TIGD5: variants seen among roughly 807,000 people sequenced by gnomAD.
The protein encoded by TIGD5 is tigger transposable element-derived protein 5.
TIGD5 carries 24 observed loss-of-function variants against 28.8 expected under a neutral mutation model. That is an observed-to-expected ratio of 0.83 (90% CI 0.60 to 1.17). TIGD5 has a LOEUF of 1.17. Among genes scored for constraint, TIGD5 ranks in the 50% most tolerant of loss-of-function variants. TIGD5 has a pLI of 0.00. For missense variants in TIGD5, 922 were observed against 911.4 expected (o/e 1.01, Z -0.15); for synonymous variants, 538 against 430.5 (o/e 1.25, Z -3.09).
Position 143,599,736 on chromosome 8 carries a change from G to A in TIGD5, c.1833G>A (p.Gly611=), listed in dbSNP as rs1280516777. 4 of 1,502,768 alleles carry A rather than the reference G, an allele frequency of 2.7e-6. No homozygotes were observed. Among genetic ancestry groups the A allele is most frequent in the African/African-American group, 1.4e-5 (1 of 71,450 alleles). 93.1% of individuals were successfully genotyped at this position (1,502,768 alleles called of 1,614,324 possible). A position where few individuals can be genotyped will look rare whatever the true frequency, so the allele number is the denominator to read the frequency against. ...WLENQDPREV[G]PLRLVQLRSL... The stretch of plus-strand genomic sequence containing the variant: ...AGAACCAGGACCCCAGAGAGGTGGG[G>A]CCACTGAGGCTGGTGCAGTTGCGCT... Residue 611 remains glycine (G), a synonymous_variant, in exon 1 of 1, where the codon GGG becomes GGA. Transcript: ENST00000504548.
Position 143,597,973 on chromosome 8 carries a change from GC to G in TIGD5, c.71del (p.Ala24GlyfsTer25). On this transcript the variant is annotated frameshift_variant, in exon 1 of 1. Transcript: ENST00000504548. LOFTEE classifies it high-confidence loss of function. ...CCGCCGTCCCCTGCCCGGGCCCCCC[GC>G]GCCCGCCCCAGCCCCCGTCCCCGCT... is the stretch of plus-strand genomic sequence containing the variant. ...RGRRPLPGPP[A>X]PAPAPVPAAR... 2.6e-6 allele frequency: 2 copies of G among 774,062 alleles called. No homozygotes were observed. The highest frequency in any genetic ancestry group is 3.2e-6 in the Non-Finnish European group (2 of 634,896). 47.9% of individuals were successfully genotyped at this position (774,062 alleles called of 1,614,324 possible).
In TIGD5 at chr8:143,603,155, T is replaced by G. The variant is rs1829296825; in HGVS notation, c.*3323T>G. 6.6e-6 allele frequency: 1 copy of G among 152,238 alleles called. No homozygotes were observed. The highest frequency in any genetic ancestry group is 1.5e-5 in the Non-Finnish European group (1 of 68,048). 9.4% of individuals were successfully genotyped at this position (152,238 alleles called of 1,614,324 possible). ...TCTAACTGGCGAGCTTGTTTACAGC[T>G]GAGCTCGCCTGGTCAGATGGGCCCA... On this transcript the variant is annotated 3_prime_UTR_variant, in exon 1 of 1. Transcript: ENST00000504548.
rs566014136 is a variant in TIGD5 at position 143,600,078 on chromosome 8, C to T, written c.*246C>T. On this transcript the variant is annotated 3_prime_UTR_variant, in exon 1 of 1. Coordinates refer to ENST00000504548, the MANE Select transcript of TIGD5 (RefSeq NM_032862.5). ...GCTCCTCTCAGGGCAGGCACATGTA[C>T]GGGGCATACAAGGCACAGCGCCTGT... is the stretch of plus-strand genomic sequence containing the variant. 2.7e-5 allele frequency: 11 copies of T among 414,862 alleles called. No homozygotes were observed. The South Asian group carries it at 8.1e-4, about 31-fold the overall frequency. 25.7% of individuals were successfully genotyped at this position (414,862 alleles called of 1,614,324 possible).
rs1829273851 is a variant in TIGD5 at position 143,602,071 on chromosome 8, G to A, written c.*2239G>A. 1 of 146,792 alleles carries A rather than the reference G, an allele frequency of 6.8e-6. No individual in the cohort carries two copies. Among genetic ancestry groups the A allele is most frequent in the African/African-American group, 2.5e-5 (1 of 39,682 alleles). 9.1% of individuals were successfully genotyped at this position (146,792 alleles called of 1,614,324 possible). The stretch of plus-strand genomic sequence containing the variant: ...AGATCACAACACCGCGCTCCAGTCT[G>A]CGCGACAGAGCGAGACTCTGTCTCA... On this transcript the variant is annotated 3_prime_UTR_variant, in exon 1 of 1. Coordinates refer to ENST00000504548, the MANE Select transcript of TIGD5 (RefSeq NM_032862.5).
In TIGD5 at chr8:143,598,130, G is replaced by A. The variant is rs751788115; in HGVS notation, c.227G>A (p.Ser76Asn). 1.9e-6 allele frequency: 3 copies of A among 1,588,286 alleles called. No homozygotes were observed. Among genetic ancestry groups the A allele is most frequent in the South Asian group, 2.3e-5 (2 of 88,026 alleles). ...GTCAAGGGCGGCGAGCGGCAGGCCA[G>A]TGTGTGCCGCGACTTCGGCGTGCCG... is the stretch of plus-strand genomic sequence containing the variant. ...ERVKGGERQA[S>N]VCRDFGVPGG... The change falls in exon 1 of 1, where the codon AGT becomes AAT. Residue 76 changes from serine to asparagine, a missense_variant. Physicochemically the swap from Ser to Asn is conservative, Grantham distance 46. Around this residue, in one of 3 missense-constraint regions of TIGD5, gnomAD observed 821 missense variants for 815.2 expected, o/e 1.01. Transcript: ENST00000504548. This position sits in a 1 kb window ranked among gnomAD's most constrained non-coding sequence, Gnocchi z 6.6.
In TIGD5 at chr8:143,599,919, G is replaced by C; in HGVS notation, c.*87G>C. 1 of 1,377,520 alleles carries C rather than the reference G, an allele frequency of 7.3e-7. No homozygotes were observed. The highest frequency in any genetic ancestry group is 9.4e-7 in the Non-Finnish European group (1 of 1,062,822). 85.3% of individuals were successfully genotyped at this position (1,377,520 alleles called of 1,614,324 possible). ...TCCCATCTCTCCTCCCCTCCCCCTG[G>C]GGTGGCCCACCGCATGGGTACAGGG... is the stretch of plus-strand genomic sequence containing the variant. On this transcript the variant is annotated 3_prime_UTR_variant, in exon 1 of 1. Coordinates refer to ENST00000504548, the MANE Select transcript of TIGD5 (RefSeq NM_032862.5).
chr8:143,600,273 G>C lies in TIGD5; in HGVS notation c.*441G>C, dbSNP rs1718642058. ...ATCTCAGTGGCGAAGCACACCACTT[G>C]ATTCTATTTTTTTTTAACACATTAA... On this transcript the variant is annotated 3_prime_UTR_variant, in exon 1 of 1. Transcript: ENST00000504548. The C allele has an allele frequency of 5.5e-6, 1 of 180,464 alleles. No individual in the cohort carries two copies. Among genetic ancestry groups the C allele is most frequent in the Non-Finnish European group, 1.1e-5 (1 of 87,376 alleles). 11.2% of individuals were successfully genotyped at this position (180,464 alleles called of 1,614,324 possible).
Position 143,597,888 on chromosome 8 carries a change from CCCCCCCGCCGCAGCCATGTACCCCGCGGG to C in TIGD5, c.-8_21del. The C allele has an allele frequency of 1.2e-6, 1 of 804,836 alleles. No homozygotes were observed. Among genetic ancestry groups the C allele is most frequent in the Non-Finnish European group, 1.5e-6 (1 of 668,036 alleles). The allele number at this position is 804,836 out of a possible 1,614,324, so 49.9% of individuals were successfully genotyped here. A position where few individuals can be genotyped will look rare whatever the true frequency, so the allele number is the denominator to read the frequency against. On this transcript the variant is annotated start_lost and 5_prime_UTR_variant, in exon 1 of 1. Transcript: ENST00000504548. ...CTCCCGCGACCCGCGCGGCCCGGGTCCCCCCCGCCGCAGCCATGTACCCCGCGGGCCCCCCGGCCGGCCCGGTACCGCGC... is the reference window on the plus strand; with the variant it reads ...CTCCCGCGACCCGCGCGGCCCGGGTCCCCCCCGGCCGGCCCGGTACCGCGC...
chr8:143,598,080 G>A lies in TIGD5; in HGVS notation c.177G>A (p.Lys59=). 1 of 1,535,182 alleles carries A rather than the reference G, an allele frequency of 6.5e-7. No homozygotes were observed. Among genetic ancestry groups the A allele is most frequent in the Non-Finnish European group, 8.7e-7 (1 of 1,145,878 alleles). The change falls in exon 1 of 1, where the codon AAG becomes AAA. Residue 59 remains lysine (K), a synonymous_variant. Transcript: ENST00000504548. This position sits in a 1 kb window ranked among gnomAD's most constrained non-coding sequence, Gnocchi z 6.6. The part of the protein sequence containing the change: ...KMAFRKAYSI[K]DKLQAIERVK... ...CCTTCCGCAAGGCCTACTCCATCAA[G>A]GACAAGCTGCAGGCCATCGAGCGCG...
At position 143,601,785 on chromosome 8, in the gene TIGD5, G is replaced by C. The variant is rs1159804039; in HGVS notation, c.*1953G>C. On this transcript the variant is annotated 3_prime_UTR_variant, in exon 1 of 1. Transcript: ENST00000504548. ...ATGGCCACTTTCTATAAACAAGGCA[G>C]CACTAATTTTTGCTATAAGATAAAA... 1 of 152,220 alleles carries C rather than the reference G, an allele frequency of 6.6e-6. No individual in the cohort carries two copies. Among genetic ancestry groups the C allele is most frequent in the Admixed American group, 6.5e-5 (1 of 15,276 alleles). The allele number at this position is 152,220 out of a possible 1,614,324, so 9.4% of individuals were successfully genotyped here.
rs1180859650 is a variant in TIGD5, at chr8:143,598,215, G to C, written c.312G>C (p.Gln104His). Reference sequence around the variant, plus strand: ...CCAAGCTGCGCTGGTTCCTGGAGCAGCTGGGCGGTGAGGTGGGCACTCAGC... The same window carrying C: ...CCAAGCTGCGCTGGTTCCTGGAGCACCTGGGCGGTGAGGTGGGCACTCAGC... ...DEPKLRWFLE[Q>H]LGGEVGTQRK... The change falls in exon 1 of 1, where the codon CAG (glutamine) becomes CAC (histidine). Residue 104 changes from glutamine to histidine, a missense_variant. Gln to His is a conservative substitution (Grantham distance 24). This residue lies in a region of TIGD5 where 821 missense variants were observed against 815.2 expected (regional missense o/e 1.01). Transcript: ENST00000504548. The surrounding 1 kb of genome is among the most constrained non-coding windows in gnomAD (Gnocchi z 6.6). The C allele has an allele frequency of 1.2e-6, 2 of 1,607,528 alleles. No individual in the cohort carries two copies. The highest frequency in any genetic ancestry group is 2.3e-5 in the East Asian group (1 of 44,298).
At position 143,597,977 on chromosome 8, in the gene TIGD5, C is replaced by T. The variant is rs1829117557; in HGVS notation, c.74C>T (p.Pro25Leu). Residue 25 changes from proline (P) to leucine (L), a missense_variant, in exon 1 of 1, where the codon CCC becomes CTC. Transcript: ENST00000504548. Reference protein sequence around the residue: ...GRRPLPGPPAPAPAPVPAARP... With the variant: ...GRRPLPGPPALAPAPVPAARP... ...CGTCCCCTGCCCGGGCCCCCCGCGC[C>T]CGCCCCAGCCCCCGTCCCCGCTGCA... 1.0e-6 allele frequency: 1 copy of T among 981,594 alleles called. No homozygotes were observed. The allele number at this position is 981,594 out of a possible 1,614,324, so 60.8% of individuals were successfully genotyped here. A position where few individuals can be genotyped will look rare whatever the true frequency, so the allele number is the denominator to read the frequency against.
rs1030151245 is a variant in TIGD5, at chr8:143,598,305, G to C, written c.402G>C (p.Ala134=). ...GCGCCGTGTACGCCTGGTTCCTGGC[G>C]CTGCGCCAGCACGGGGTGCCGCTGT... The part of the protein sequence containing the change: ...IDRAVYAWFL[A]LRQHGVPLSG... Residue 134 remains alanine (A), a synonymous_variant, in exon 1 of 1, where the codon GCG becomes GCC. Transcript: ENST00000504548. This position sits in a 1 kb window ranked among gnomAD's most constrained non-coding sequence, Gnocchi z 6.6. The C allele has an allele frequency of 6.2e-7, 1 of 1,609,036 alleles. No individual in the cohort carries two copies. The highest frequency in any genetic ancestry group is 8.5e-7 in the Non-Finnish European group (1 of 1,178,544).
At position 143,599,295 on chromosome 8, in the gene TIGD5, C is replaced by T. The variant is rs768381692; in HGVS notation, c.1392C>T (p.Ser464=). The change falls in exon 1 of 1, where the codon TCC becomes TCT. Residue 464 remains serine (S), a synonymous_variant. Transcript: ENST00000504548. ...ACATGCTCTACCTGGCTGGCCTCTC[C>T]TGGGACCTGGTGCAGGCGGGCAGCA... is the stretch of plus-strand genomic sequence containing the variant. ...LKDMLYLAGL[S]WDLVQAGSIE... 16 of 1,609,094 alleles carry T rather than the reference C, an allele frequency of 9.9e-6. No individual in the cohort carries two copies. The highest frequency in any genetic ancestry group is 1.3e-5 in the African/African-American group (1 of 74,868).
Position 143,599,098 on chromosome 8 carries a change from G to C in TIGD5, c.1195G>C (p.Val399Leu). 1.3e-6 allele frequency: 2 copies of C among 1,580,924 alleles called. No homozygotes were observed. Among genetic ancestry groups the C allele is most frequent in the Non-Finnish European group, 1.7e-6 (2 of 1,165,366 alleles). Reference sequence around the variant, plus strand: ...GGAGCTGCAGACACCGGATGGCGCTGTGCGGGTGCTGTTCCTGTCCAAAGG... The same window carrying C: ...GGAGCTGCAGACACCGGATGGCGCTCTGCGGGTGCTGTTCCTGTCCAAAGG... Reference protein sequence around the residue: ...PEELQTPDGAVRVLFLSKGSS... With the variant: ...PEELQTPDGALRVLFLSKGSS... The change falls in exon 1 of 1, where the codon GTG (valine) becomes CTG (leucine). Residue 399 changes from valine (V) to leucine (L), a missense_variant. By Grantham distance (32) the Val-to-Leu change is conservative (BLOSUM62 1). Around this residue, in one of 3 missense-constraint regions of TIGD5, gnomAD observed 821 missense variants for 815.2 expected, o/e 1.01. Coordinates refer to ENST00000504548, the MANE Select transcript of TIGD5 (RefSeq NM_032862.5).
rs372348276 is a variant in TIGD5 at position 143,600,867 on chromosome 8, C to T, written c.*1035C>T. On this transcript the variant is annotated 3_prime_UTR_variant, in exon 1 of 1. Coordinates refer to ENST00000504548, the MANE Select transcript of TIGD5 (RefSeq NM_032862.5). ...TGTTCTGCTCTGGCCAGGTCTAGACCTACAGTCCTTCTGGTTGGACTGGGG... is the reference window on the plus strand; with the variant it reads ...TGTTCTGCTCTGGCCAGGTCTAGACTTACAGTCCTTCTGGTTGGACTGGGG... 2.8e-4 allele frequency: 43 copies of T among 152,530 alleles called. No homozygotes were observed. Among genetic ancestry groups the T allele is most frequent in the African/African-American group, 9.6e-4 (40 of 41,602 alleles). The allele number at this position is 152,530 out of a possible 1,614,324, so 9.4% of individuals were successfully genotyped here.
chr8:143,597,949 CG>C lies in TIGD5; in HGVS notation c.47del (p.Arg16ProfsTer33). 2.3e-6 allele frequency: 2 copies of C among 884,776 alleles called. No individual in the cohort carries two copies. The highest frequency in any genetic ancestry group is 2.7e-6 in the Non-Finnish European group (2 of 740,490). The allele number at this position is 884,776 out of a possible 1,614,324, so 54.8% of individuals were successfully genotyped here. ...GGCCGGCCCGGTACCGCGCCGCGGC[CG>C]CCGTCCCCTGCCCGGGCCCCCCGCG... ...PPAGPVPRRG[R>X]RPLPGPPAPA... On this transcript the variant is annotated frameshift_variant, in exon 1 of 1. Transcript: ENST00000504548. LOFTEE classifies it high-confidence loss of function.
Position 143,597,996 on chromosome 8 carries a change from C to G in TIGD5, c.93C>G (p.Pro31=), listed in dbSNP as rs1221906664. The change falls in exon 1 of 1, where the codon CCC becomes CCG. Residue 31 remains proline, a synonymous_variant. Transcript: ENST00000504548. The part of the protein sequence containing the change: ...GPPAPAPAPV[P]AARPPPPAPG... ...CCGCGCCCGCCCCAGCCCCCGTCCC[C>G]GCTGCACGGCCGCCGCCCCCCGCGC... is the stretch of plus-strand genomic sequence containing the variant. The G allele has an allele frequency of 8.2e-7, 1 of 1,224,270 alleles. No individual in the cohort carries two copies. Among genetic ancestry groups the G allele is most frequent in the African/African-American group, 1.6e-5 (1 of 62,212 alleles). The allele number at this position is 1,224,270 out of a possible 1,614,324, so 75.8% of individuals were successfully genotyped here. A position where few individuals can be genotyped will look rare whatever the true frequency, so the allele number is the denominator to read the frequency against.
At position 143,598,680 on chromosome 8, in the gene TIGD5, G is replaced by T; in HGVS notation, c.777G>T (p.Gly259=). The T allele has an allele frequency of 6.7e-7, 1 of 1,500,780 alleles. No homozygotes were observed. Among genetic ancestry groups the T allele is most frequent in the South Asian group, 1.2e-5 (1 of 80,392 alleles). 93.0% of individuals were successfully genotyped at this position (1,500,780 alleles called of 1,614,324 possible). The change falls in exon 1 of 1, where the codon GGG becomes GGT. Residue 259 remains glycine, a synonymous_variant. Coordinates refer to ENST00000504548, the MANE Select transcript of TIGD5 (RefSeq NM_032862.5). The surrounding 1 kb of genome is among the most constrained non-coding windows in gnomAD (Gnocchi z 6.6). ...AGCAGGCTGCGCCCCCGGGCGCAGGGGACCCCGGGGCGGGGGGCTGTGGCC... is the reference window on the plus strand; with the variant it reads ...AGCAGGCTGCGCCCCCGGGCGCAGGTGACCCCGGGGCGGGGGGCTGTGGCC... ...LPEQAAPPGA[G]DPGAGGCGRR...
Sources: allele counts gnomAD v4.1 joint callset, GRCh38; gene constraint gnomAD v4.1.1; regional missense constraint gnomAD v4.1.1; non-coding constraint Gnocchi (gnomAD v3.1); transcripts MANE v1.5; gene names NCBI Gene and HGNC (gene_info 2026-07-23, HGNC 2026-07-21).